ORC2: variants seen among roughly 807,000 people sequenced by gnomAD.
The protein encoded by ORC2 is origin recognition complex subunit 2, also known as origin recognition complex protein 2 homolog.
ORC2 carries 37 observed loss-of-function variants against 77.7 expected under a neutral mutation model. The ratio of observed to expected loss-of-function variants is 0.48; its 90% CI spans 0.37 to 0.63. The LOEUF is 0.63. Ranked by LOEUF, ORC2 falls within the 20% of genes least tolerant of loss-of-function variation. The pLI is 0.00. For synonymous variants in ORC2, 201 were observed against 229.5 expected (o/e 0.88, Z 1.12); for missense variants, 557 against 661.9 (o/e 0.84, Z 1.74).
intron 17 of ORC2, among the ~76,000 whole-genome samples, chr2:200,912,194 GT>G (rs1197555539): frequency 6.6e-6 from 1 of 151,932 alleles, no homozygotes; most frequent in Admixed American, 6.6e-5. Flanking sequence ...CTCCCTTTAG[GT>G]AGTACCCCAA....
chr2:200,947,950 C>G (rs1229173318), intron 5 of ORC2, among the ~76,000 whole-genome samples: 1 of 151,904 alleles, frequency 6.6e-6, no homozygotes, highest in Non-Finnish European at 1.5e-5. Context: ...GCTCTGTCGC[C>G]CAGGCTGGAG....
chr2:200,920,604 T>TA (rs1432773814), intron 14 of ORC2, among the ~76,000 whole-genome samples: 1 of 152,204 alleles, frequency 6.6e-6, no homozygotes, highest in East Asian at 1.9e-4. Flanking sequence ...AAGCATAAAT[T>TA]AAAATCTTAG....
intron 1 of ORC2, among the ~76,000 whole-genome samples, chr2:200,960,965 T>C (rs1559027325): frequency 6.6e-6 from 1 of 151,832 alleles, no homozygotes; most frequent in Non-Finnish European, 1.5e-5. Context: ...TTAGTAGAGA[T>C]GGGGTTTCAC....
chr2:200,915,245 T>C (rs997210048), intron 15 of ORC2, among the ~76,000 whole-genome samples: 1 of 152,006 alleles, frequency 6.6e-6, no homozygotes, highest in Non-Finnish European at 1.5e-5. Flanking sequence ...ACTCCCGACC[T>C]CAGGTGATCC....
At chr2:200,936,044 TTCTC>T in intron 8 of ORC2, 152 bp from the exon 9 acceptor site, 1 of 581,554 alleles carries the variant, frequency 1.7e-6, no homozygotes, top group South Asian at 2.4e-5. Context: ...AATTAACAAA[TTCTC>T]TCAGCACCAG....
intron 1 of ORC2, 150 bp downstream of exon 1, chr2:200,963,340 C>T (rs1452451382): frequency 7.5e-6 from 3 of 397,498 alleles, no homozygotes; most frequent in Non-Finnish European, 1.3e-5. Context: ...AAAGACCATG[C>T]CCCAAGTGCC....
intron 16 of ORC2, 79 bp downstream of exon 16, chr2:200,913,852 C>A: frequency 6.7e-7 from 1 of 1,496,984 alleles, no homozygotes; most frequent in Non-Finnish European, 8.9e-7. Flanking sequence ...AACTGCACTG[C>A]TGTCATTAAA....
intron 5 of ORC2, among the ~76,000 whole-genome samples, chr2:200,943,796 C>A (rs914318286): frequency 8.0e-5 from 12 of 150,176 alleles, no homozygotes; most frequent in African/African-American, 3.0e-4. Flanking sequence ...ATATGATTCA[C>A]TAAGTTTTTT....
At chr2:200,924,948 T>A (rs1254652096) in intron 13 of ORC2, among the ~76,000 whole-genome samples, 1 of 152,036 alleles carries the variant, frequency 6.6e-6, no homozygotes, top group African/African-American at 2.4e-5. Flanking sequence ...TTTGTAGAGA[T>A]GGGGTTTCAC....
At chr2:200,932,234 A>G (rs2040954662) in intron 10 of ORC2, among the ~76,000 whole-genome samples, 1 of 151,976 alleles carries the variant, frequency 6.6e-6, no homozygotes, top group Non-Finnish European at 1.5e-5. Flanking sequence ...GAAAGCACTA[A>G]TATCTTTTCC....
At chr2:200,935,237 T>C (rs578016086) in intron 9 of ORC2, among the ~76,000 whole-genome samples, 4 of 152,278 alleles carry the variant, frequency 2.6e-5, no homozygotes, top group Non-Finnish European at 5.9e-5. Flanking sequence ...ATTCTCCTGC[T>C]TCAGCCTCCC....
chr2:200,948,867 AG>A, intron 5 of ORC2, among the ~76,000 whole-genome samples: 1 of 152,054 alleles, frequency 6.6e-6, no homozygotes, highest in South Asian at 2.1e-4. Flanking sequence ...AACCATGCCC[AG>A]CAAAACTCTT....
Position 200,935,767 on chromosome 2 carries a change from G to T in ORC2, c.640C>A (p.Gln214Lys). 2 of 1,614,020 alleles carry T rather than the reference G, an allele frequency of 1.2e-6. No homozygotes were observed. The highest frequency in any genetic ancestry group is 1.7e-6 in the Non-Finnish European group (2 of 1,179,992). ...ACAGGAGCTGAAACTACTCTATTCT[G>T]AGCTTGAATCTTTTGGCTGAATATG... Reference protein sequence around the residue: ...AVIFSQKIQAQNRVVSAPVGK... With the variant: ...AVIFSQKIQAKNRVVSAPVGK... The change falls in exon 9 of 18, where the codon CAG becomes AAG. Residue 214 changes from glutamine (Q) to lysine (K), a missense_variant. By Grantham distance (53) the Gln-to-Lys change is moderately conservative. Transcript: ENST00000234296.
intron 2 of ORC2, among the ~76,000 whole-genome samples, chr2:200,959,102 A>G (rs2041523747): frequency 6.6e-6 from 1 of 151,546 alleles, no homozygotes; most frequent in African/African-American, 2.4e-5. Flanking sequence ...TCCCATCTCA[A>G]CCTCTGAAGT....
chr2:200,925,281 C>T (rs1167303454), intron 13 of ORC2, among the ~76,000 whole-genome samples: 4 of 151,884 alleles, frequency 2.6e-5, no homozygotes, highest in African/African-American at 4.8e-5. Flanking sequence ...GAGCCAAAAT[C>T]GTGCCACTGC....
At chr2:200,957,116 T>C (rs916798864) in intron 4 of ORC2, among the ~76,000 whole-genome samples, 1 of 152,324 alleles carries the variant, frequency 6.6e-6, no homozygotes, top group Middle Eastern at 3.4e-3. Flanking sequence ...GGCACATGTA[T>C]ACCTATGTAA....
chr2:200,950,380 T>C (rs1251790068), intron 4 of ORC2, among the ~76,000 whole-genome samples: 1 of 152,124 alleles, frequency 6.6e-6, no homozygotes, highest in African/African-American at 2.4e-5. Context: ...TTCTTCAATC[T>C]CCTCTTTAAA....
intron 10 of ORC2, 47 bp downstream of exon 10, chr2:200,933,829 C>T (rs1437266831): frequency 2.0e-6 from 2 of 1,013,094 alleles, no homozygotes; most frequent in Admixed American, 4.2e-5. Flanking sequence ...GCATATTTTT[C>T]AGGACAGAGT....
Position 200,937,902 on chromosome 2 carries a change from G to T in ORC2, c.514+4C>A, listed in dbSNP as rs189055887. 7.6e-6 allele frequency: 12 copies of T among 1,569,970 alleles called. No homozygotes were observed. The highest frequency in any genetic ancestry group is 9.6e-6 in the Non-Finnish European group (11 of 1,145,020). ...TAAAAAGTCATGTAAAAACAAATAC[G>T]TACCTATTAATCTTTTTCTTAGACT... On this transcript the variant is annotated splice_donor_region_variant and intron_variant, in intron 8 of 17. Coordinates refer to ENST00000234296, the MANE Select transcript of ORC2 (RefSeq NM_006190.5).
Sources: gnomAD v4.1 joint callset for allele counts (sites outside exome capture counted in the v4.1 genomes callset) on GRCh38, gnomAD v4.1.1 for gene constraint, MANE v1.5 for transcripts, NCBI Gene and HGNC (gene_info 2026-07-23, HGNC 2026-07-21) for gene names.